ANKRD55: variants seen among roughly 807,000 people sequenced by gnomAD.
The protein encoded by ANKRD55 is ankyrin repeat domain-containing protein 55.
A neutral mutation model predicts 60.6 loss-of-function variants in ANKRD55; 41 were observed. The ratio of observed to expected loss-of-function variants is 0.68; its 90% CI spans 0.53 to 0.88. The LOEUF (loss-of-function observed/expected upper bound fraction) is 0.88, where lower values mean the gene tolerates loss of function less well. Among genes scored for constraint, ANKRD55 ranks in the 40% least tolerant of loss-of-function variants. The pLI is 0.00. For missense variants in ANKRD55, 732 were observed against 767.6 expected, an observed-to-expected ratio of 0.95 and a Z score of 0.55; for synonymous variants, 264 against 290.3, an observed-to-expected ratio of 0.91 and a Z score of 0.92.
At chr5:56,199,915 T>A (rs565223246) in intron 2 of ANKRD55, among the ~76,000 whole-genome samples, 53 of 146,996 alleles carry the variant, frequency 3.6e-4, no homozygotes, top group African/African-American at 1.3e-3. Context: ...GAGGCCGAGG[T>A]GAGAGGATCA....
At chr5:56,101,134 A>G (rs1468056305) in intron 11 of ANKRD55, among the ~76,000 whole-genome samples, 1 of 152,082 alleles carries the variant, frequency 6.6e-6, no homozygotes, top group Admixed American at 6.6e-5. Context: ...CATTGTTTTT[A>G]CCTAAAGAGT....
At chr5:56,152,327 A>G (rs1758076295) in intron 6 of ANKRD55, among the ~76,000 whole-genome samples, 1 of 151,700 alleles carries the variant, frequency 6.6e-6, no homozygotes, top group African/African-American at 2.4e-5. Flanking sequence ...TTGCAACTTA[A>G]ATTTATTTTC....
intron 8 of ANKRD55, among the ~76,000 whole-genome samples, chr5:56,123,856 T>A (rs1179029036): frequency 6.6e-6 from 1 of 152,182 alleles, no homozygotes; most frequent in Non-Finnish European, 1.5e-5. Flanking sequence ...GTCTAAACTT[T>A]AGCTCCTTCT....
At chr5:56,182,213 A>T (rs1390072317) in intron 3 of ANKRD55, among the ~76,000 whole-genome samples, 1 of 152,122 alleles carries the variant, frequency 6.6e-6, no homozygotes, top group South Asian at 2.1e-4. Context: ...GAAATAATCT[A>T]GTCCTGGAGA....
At chr5:56,188,977 A>T (rs553078259) in intron 2 of ANKRD55, among the ~76,000 whole-genome samples, 1 of 152,168 alleles carries the variant, frequency 6.6e-6, no homozygotes, top group Non-Finnish European at 1.5e-5. Flanking sequence ...GGCCTTTTCC[A>T]TTCTTAACTG....
intron 8 of ANKRD55, among the ~76,000 whole-genome samples, chr5:56,123,101 C>T (rs1240362774): frequency 1.3e-5 from 2 of 151,992 alleles, no homozygotes; most frequent in Non-Finnish European, 2.9e-5. Flanking sequence ...AATGACTATC[C>T]CTCTGGTAAG....
At chr5:56,127,325 C>T (rs1002423763) in intron 7 of ANKRD55, 34 of 985,268 alleles carry the variant, frequency 3.5e-5, no homozygotes, top group Non-Finnish European at 4.1e-5. Flanking sequence ...AGATTTTTGT[C>T]TCCCACAGGA....
chr5:56,221,913 CT>C (rs929222710), intron 2 of ANKRD55, among the ~76,000 whole-genome samples: 5 of 152,236 alleles, frequency 3.3e-5, no homozygotes, highest in African/African-American at 1.2e-4. Flanking sequence ...GACTCCACCT[CT>C]GGGGGCAGGG....
chr5:56,151,466 T>A (rs1301353591), intron 6 of ANKRD55, among the ~76,000 whole-genome samples: 1 of 152,150 alleles, frequency 6.6e-6, no homozygotes, highest in African/African-American at 2.4e-5. Flanking sequence ...ATAACATGAC[T>A]TTTTCTTGAA....
rs371072564 is a variant in ANKRD55, at chr5:56,224,688, G to A, written c.58+8168C>T. 9.0e-4 allele frequency among the ~76,000 whole-genome samples: 137 copies of A among 152,248 alleles called. 3 individuals carry two copies. In the Middle Eastern group the frequency reaches 0.027, roughly 30 times the overall value. On this transcript the variant is annotated intron_variant, in intron 2 of 11. Transcript: ENST00000341048. Reference sequence around the variant, plus strand: ...CCCACAGAGATACAAACTACCATCAGAGAATACAATAAACACCTCTACGCA... The same window carrying A: ...CCCACAGAGATACAAACTACCATCAAAGAATACAATAAACACCTCTACGCA...
chr5:56,201,609 C>G (rs1413705000), intron 2 of ANKRD55, among the ~76,000 whole-genome samples: 1 of 152,134 alleles, frequency 6.6e-6, no homozygotes, highest in African/African-American at 2.4e-5. Context: ...TCTTCACTTG[C>G]CAAATGGATA....
intron 6 of ANKRD55, among the ~76,000 whole-genome samples, chr5:56,154,091 T>C (rs943748416): frequency 6.7e-6 from 1 of 148,222 alleles, no homozygotes; most frequent in African/African-American, 2.5e-5. Flanking sequence ...CGGGTGCCTG[T>C]AGTCCCAGCT....
intron 2 of ANKRD55, among the ~76,000 whole-genome samples, chr5:56,190,993 C>T (rs1759081351): frequency 6.6e-6 from 1 of 152,210 alleles, no homozygotes; most frequent in Admixed American, 6.6e-5. Flanking sequence ...ATGGTCTTGG[C>T]ACTCTTGTGG....
At chr5:56,144,022 C>A in intron 6 of ANKRD55, 93 bp from the exon 7 acceptor site, 1 of 1,531,814 alleles carries the variant, frequency 6.5e-7, no homozygotes, top group South Asian at 1.2e-5. Flanking sequence ...TGGGGGCCAT[C>A]ACCAGATGCG....
chr5:56,172,354 G>A (rs1223090942), intron 4 of ANKRD55, among the ~76,000 whole-genome samples: 1 of 152,090 alleles, frequency 6.6e-6, no homozygotes, highest in African/African-American at 2.4e-5. Flanking sequence ...GTTTACTGAT[G>A]CATTAAATCT....
chr5:56,152,055 T>G (rs1758067753), intron 6 of ANKRD55, among the ~76,000 whole-genome samples: 1 of 143,346 alleles, frequency 7.0e-6, no homozygotes, highest in Non-Finnish European at 1.5e-5. Flanking sequence ...TCTAGAAGTT[T>G]ATAGGGTTGG....
intron 2 of ANKRD55, among the ~76,000 whole-genome samples, chr5:56,225,913 A>G (rs1760099305): frequency 1.3e-5 from 2 of 152,230 alleles, no homozygotes. Context: ...TGCCCAAGGT[A>G]ATTTATAGAT....
chr5:56,120,682 G>T (rs558696556), intron 8 of ANKRD55, among the ~76,000 whole-genome samples: 1 of 152,094 alleles, frequency 6.6e-6, no homozygotes, highest in South Asian at 2.1e-4. Flanking sequence ...GGCGGATCAC[G>T]AGGTCAGGAG....
intron 5 of ANKRD55, among the ~76,000 whole-genome samples, chr5:56,166,085 T>TC (rs1561277523): frequency 0.017 from 1,966 of 114,376 alleles, 165 homozygotes; most frequent in East Asian, 0.056. Flanking sequence ...CTTTCTTTTC[T>TC]TTTTCTTTCT....
Sources: gnomAD v4.1 joint callset for allele counts (sites outside exome capture counted in the v4.1 genomes callset) on GRCh38, gnomAD v4.1.1 for gene constraint, MANE v1.5 for transcripts, NCBI Gene and HGNC (gene_info 2026-07-23, HGNC 2026-07-21) for gene names.